SLC4A10: variants seen among roughly 807,000 people sequenced by gnomAD.
SLC4A10 encodes solute carrier family 4 member 10.
SLC4A10 carries 42 observed loss-of-function variants against 137.7 expected under a neutral mutation model. The observed-to-expected ratio is 0.30, with a 90% CI of 0.24 to 0.39. The LOEUF (loss-of-function observed/expected upper bound fraction) is 0.39. Ranked by LOEUF, SLC4A10 falls within the 10% of genes least tolerant of loss-of-function variation. The pLI is 1.00. For synonymous variants in SLC4A10, 474 were observed against 464.1 expected (o/e 1.02, Z -0.27); for missense variants, 925 against 1,355.0 (o/e 0.68, Z 4.98).
intron 1 of SLC4A10, among the ~76,000 whole-genome samples, chr2:161,726,946 T>C (rs1013276797): frequency 3.9e-5 from 6 of 152,152 alleles, no homozygotes; most frequent in Middle Eastern, 3.2e-3. Flanking sequence ...TCAAGTTGTT[T>C]AAAAAAGAGT....
intron 6 of SLC4A10, among the ~76,000 whole-genome samples, chr2:161,871,805 A>T (rs899643468): frequency 6.6e-6 from 1 of 152,048 alleles, no homozygotes; most frequent in Non-Finnish European, 1.5e-5. Flanking sequence ...GGCCAAAGAA[A>T]TTTTTTTCAT....
At chr2:161,751,570 C>A (rs2048983419) in intron 1 of SLC4A10, among the ~76,000 whole-genome samples, 2 of 151,680 alleles carry the variant, frequency 1.3e-5, no homozygotes, top group Non-Finnish European at 3.0e-5. Context: ...TCACAATTCT[C>A]AGAGGGAATT....
intron 1 of SLC4A10, among the ~76,000 whole-genome samples, chr2:161,674,657 AG>A (rs2040094552): frequency 6.6e-6 from 1 of 152,204 alleles, no homozygotes; most frequent in East Asian, 1.9e-4. Flanking sequence ...TGGGATCAAG[AG>A]AAGAAATATA....
chr2:161,656,846 C>A (rs11896897), intron 1 of SLC4A10, among the ~76,000 whole-genome samples: 1 of 151,860 alleles, frequency 6.6e-6, no homozygotes, highest in African/African-American at 2.4e-5. Flanking sequence ...TTGTTAATAT[C>A]GGTGTTTATT....
At chr2:161,966,049 T>A (rs1452778856) in intron 23 of SLC4A10, among the ~76,000 whole-genome samples, 2 of 152,236 alleles carry the variant, frequency 1.3e-5, no homozygotes, top group African/African-American at 4.8e-5. Context: ...TTCAACTTTC[T>A]ATTTCCTCAA....
rs547895314 is a variant in SLC4A10, at chr2:161,819,193, G to A, written c.277+14598G>A. Among the ~76,000 whole-genome samples the A allele has an allele frequency of 8.6e-5, 13 of 151,880 alleles. 1 individual carries two copies. In the South Asian group the frequency reaches 1.7e-3, roughly 19 times the overall value. ...AAAAGAATAGGCCTTTAATATAGAC[G>A]GAAGAGTTTATGCTTACATCATAGG... On this transcript the variant is annotated intron_variant, in intron 3 of 26. Transcript: ENST00000446997.
At position 161,947,683 on chromosome 2, in the gene SLC4A10, G is replaced by A; in HGVS notation, c.2221G>A (p.Ala741Thr). 1 of 1,613,200 alleles carries A rather than the reference G, an allele frequency of 6.2e-7. No individual in the cohort carries two copies. Among genetic ancestry groups the A allele is most frequent in the Non-Finnish European group, 8.5e-7 (1 of 1,179,344 alleles). The change falls in exon 17 of 27, where the codon GCC (alanine) becomes ACC (threonine). Residue 741 changes from alanine (A) to threonine (T), a missense_variant. Physicochemically the swap from Ala to Thr is moderately conservative, Grantham distance 58. Around this residue, in one of 11 missense-constraint regions of SLC4A10, gnomAD observed 82 missense variants for 151.4 expected, o/e 0.54. Coordinates refer to ENST00000446997, the MANE Select transcript of SLC4A10 (RefSeq NM_001178015.2). ...ILFFSTVTLS[A>T]TLKQFKTSRY... is the part of the protein sequence containing the mutation. ...GTTCTTTTCCACAGTTACTCTGTCA[G>A]CCACCCTGAAGCAGTTCAAGACTAG...
intron 2 of SLC4A10, among the ~76,000 whole-genome samples, chr2:161,776,077 G>C (rs1237440892): frequency 2.6e-5 from 4 of 151,888 alleles, no homozygotes; most frequent in Non-Finnish European, 4.4e-5. Flanking sequence ...TTAAACGTTA[G>C]CTGAAATTGG....
chr2:161,725,377 T>A (rs1475623762), intron 1 of SLC4A10, among the ~76,000 whole-genome samples: 1 of 152,216 alleles, frequency 6.6e-6, no homozygotes, highest in East Asian at 1.9e-4. Flanking sequence ...AGATAATGTA[T>A]GCAAAGTTTT....
At chr2:161,808,750 A>C (rs1012182268) in intron 3 of SLC4A10, among the ~76,000 whole-genome samples, 1 of 152,112 alleles carries the variant, frequency 6.6e-6, no homozygotes, top group Non-Finnish European at 1.5e-5. Context: ...ATATGATGTC[A>C]TTCTTTTTAT....
intron 1 of SLC4A10, among the ~76,000 whole-genome samples, chr2:161,714,275 G>T (rs1374588588): frequency 6.6e-6 from 1 of 151,910 alleles, no homozygotes; most frequent in Non-Finnish European, 1.5e-5. Flanking sequence ...AATTTTCAGT[G>T]CTTGTCTTAG....
chr2:161,875,786 C>T (rs2061419498), intron 8 of SLC4A10, among the ~76,000 whole-genome samples: 1 of 152,058 alleles, frequency 6.6e-6, no homozygotes, highest in African/African-American at 2.4e-5. Flanking sequence ...TGTAGGAAAC[C>T]TTAGACATCT....
chr2:161,828,172 T>C (rs146588325), intron 3 of SLC4A10, among the ~76,000 whole-genome samples: 15 of 152,346 alleles, frequency 9.8e-5, no homozygotes, highest in Admixed American at 9.2e-4. Context: ...GGAACCACTT[T>C]GCTAGACAAA....
At chr2:161,836,398 T>G (rs1018950717) in intron 3 of SLC4A10, among the ~76,000 whole-genome samples, 2 of 151,770 alleles carry the variant, frequency 1.3e-5, no homozygotes, top group East Asian at 3.9e-4. Flanking sequence ...CTTGGGAGGC[T>G]GAGGCAGGAG....
At chr2:161,740,649 T>C (rs535715697) in intron 1 of SLC4A10, among the ~76,000 whole-genome samples, 31 of 152,290 alleles carry the variant, frequency 2.0e-4, no homozygotes, top group African/African-American at 6.7e-4. Context: ...CATAGGCCTA[T>C]GGCACAGAGA....
At chr2:161,639,686 G>A (rs1343909901) in intron 1 of SLC4A10, among the ~76,000 whole-genome samples, 3 of 152,174 alleles carry the variant, frequency 2.0e-5, no homozygotes, top group African/African-American at 4.8e-5. Context: ...GGGAAAAGTA[G>A]AAAGCTTTTC....
chr2:161,865,576 A>G (rs550578408), intron 6 of SLC4A10, among the ~76,000 whole-genome samples: 51 of 152,230 alleles, frequency 3.4e-4, no homozygotes, highest in Non-Finnish European at 5.6e-4. Context: ...GCCTAAGCTT[A>G]TAACACCTCC....
In SLC4A10 at chr2:161,872,302, T is replaced by C; in HGVS notation, c.776T>C (p.Val259Ala). 1 of 1,613,332 alleles carries C rather than the reference T, an allele frequency of 6.2e-7. No homozygotes were observed. Residue 259 changes from valine to alanine, a missense_variant, in exon 7 of 27, where the codon GTT becomes GCT. Transcript: ENST00000446997. ...PNSMDKNAGQVVSPQSAPACV... is the reference protein window; with the variant it reads ...PNSMDKNAGQAVSPQSAPACV... ...CAACAATCTCTTTTAGCAGGTCAGG[T>C]TGTTTCTCCTCAGTCTGCTCCAGCC...
chr2:161,837,084 C>A lies in SLC4A10; in HGVS notation c.278-2705C>A, dbSNP rs2125776364. On this transcript the variant is annotated intron_variant, in intron 3 of 26. Coordinates refer to ENST00000446997, the MANE Select transcript of SLC4A10 (RefSeq NM_001178015.2). ...TAAGCCTGGCCACTCTCATCACTGC[C>A]ACTTAATATCGTACTGGAATTCTAG... is the stretch of plus-strand genomic sequence containing the variant. Among the ~76,000 whole-genome samples, 2 of 152,168 alleles carry A rather than the reference C, an allele frequency of 1.3e-5. 1 individual carries two copies. Among genetic ancestry groups the A allele is most frequent in the South Asian group, 4.2e-4 (2 of 4,816 alleles).
Sources: gnomAD v4.1 joint callset for allele counts (sites outside exome capture counted in the v4.1 genomes callset) on GRCh38, gnomAD v4.1.1 for gene constraint, gnomAD v4.1.1 regional missense constraint, MANE v1.5 for transcripts, NCBI Gene and HGNC (gene_info 2026-07-23, HGNC 2026-07-21) for gene names.